KCNQ2: variants seen among roughly 807,000 people sequenced by gnomAD.
The protein encoded by KCNQ2 is potassium voltage-gated channel subfamily Q member 2.
In KCNQ2, 14 loss-of-function variants were observed where a neutral mutation model predicts 84.8. The ratio of observed to expected loss-of-function variants is 0.17; its 90% CI spans 0.11 to 0.26. KCNQ2 has a LOEUF of 0.26. Among genes scored for constraint, KCNQ2 ranks in the 10% least tolerant of loss-of-function variants. The pLI is 1.00. For missense variants in KCNQ2, 788 were observed against 1,254.0 expected, an observed-to-expected ratio of 0.63 and a Z score of 5.61; for synonymous variants, 599 against 554.1, an observed-to-expected ratio of 1.08 and a Z score of -1.14.
chr20:63,436,132 G>A (rs2080994221), intron 7 of KCNQ2, among the ~76,000 whole-genome samples: 1 of 152,192 alleles, frequency 6.6e-6, no homozygotes. Context: ...GCTGAAAGGA[G>A]GTCCACTGGG....
intron 1 of KCNQ2, among the ~76,000 whole-genome samples, chr20:63,466,925 A>G (rs1341309244): frequency 6.6e-6 from 1 of 152,228 alleles, no homozygotes; most frequent in African/African-American, 2.4e-5. Context: ...TGGCATGCAC[A>G]CTGGAAAATA....
intron 1 of KCNQ2, among the ~76,000 whole-genome samples, chr20:63,453,331 G>A (rs945248214): frequency 3.9e-5 from 6 of 152,234 alleles, no homozygotes; most frequent in African/African-American, 9.7e-5. Flanking sequence ...AGGCAGGGGC[G>A]CTGGCAGTGG....
intron 4 of KCNQ2, among the ~76,000 whole-genome samples, 161 bp from the exon 5 acceptor site, chr20:63,442,692 T>TCACCACCACCACCACCACCATCACCAC (rs1422312060): frequency 4.0e-5 from 2 of 50,130 alleles, no homozygotes; most frequent in African/African-American, 1.6e-4. Flanking sequence ...ACCATCACCA[T>TCACCACCACCACCACCACCATCACCAC]CACCACCATC....
chr20:63,407,232 C>T lies in KCNQ2; in HGVS notation c.2031G>A (p.Arg677=), dbSNP rs35647984. 6,065 of 1,603,512 alleles carry T rather than the reference C, an allele frequency of 3.8e-3. 27 individuals are homozygous for T. Among genetic ancestry groups the T allele is most frequent in the Non-Finnish European group, 3.8e-3 (4,484 of 1,179,396 alleles). Reference sequence around the variant, plus strand: ...TGCAGCCGTGCCTGTCGACATGCTCCCGGCTGTCTTCCGGGCTGTGGTACG... The same window carrying T: ...TGCAGCCGTGCCTGTCGACATGCTCTCGGCTGTCTTCCGGGCTGTGGTACG... The part of the protein sequence containing the change: ...APPYHSPEDS[R]EHVDRHGCIV... The change falls in exon 17 of 17, where the codon CGG becomes CGA. Residue 677 remains arginine (R), a synonymous_variant. Coordinates refer to ENST00000359125, the MANE Select transcript of KCNQ2 (RefSeq NM_172107.4). This position sits in a 1 kb window ranked among gnomAD's most constrained non-coding sequence, Gnocchi z 7.2.
chr20:63,463,315 G>T (rs554304886), intron 1 of KCNQ2, among the ~76,000 whole-genome samples: 2 of 152,238 alleles, frequency 1.3e-5, no homozygotes, highest in African/African-American at 4.8e-5. Flanking sequence ...GCCTTATCTG[G>T]TCTACAAAGG....
At chr20:63,415,156 G>GACAGACAGA in intron 12 of KCNQ2, 30 bp from the exon 13 acceptor site, 1 of 1,575,530 alleles carries the variant, frequency 6.3e-7, no homozygotes, top group Non-Finnish European at 8.6e-7. Context: ...CAGACAGACA[G>GACAGACAGA]AAAAACAGGG....
At chr20:63,424,405 G>A (rs917099496) in intron 10 of KCNQ2, 199 bp from the exon 11 acceptor site, 15 of 618,998 alleles carry the variant, frequency 2.4e-5, no homozygotes, top group South Asian at 7.9e-5. Context: ...CAGGGCCCAC[G>A]GAGGCAGCTC....
At chr20:63,412,717 C>T (rs1351520506) in intron 15 of KCNQ2, among the ~76,000 whole-genome samples, 1 of 152,200 alleles carries the variant, frequency 6.6e-6, no homozygotes, top group Non-Finnish European at 1.5e-5. Flanking sequence ...GCCTCGCTTC[C>T]AGGGCTGAGA....
Position 63,414,886 on chromosome 20 carries a change from G to A in KCNQ2, c.1525+17C>T, listed in dbSNP as rs1396875139. The A allele has an allele frequency of 6.2e-7, 1 of 1,610,020 alleles. No individual in the cohort carries two copies. Among genetic ancestry groups the A allele is most frequent in the African/African-American group, 1.3e-5 (1 of 74,840 alleles). On this transcript the variant is annotated intron_variant, in intron 13 of 16. Transcript: ENST00000359125. This position sits in a 1 kb window ranked among gnomAD's most constrained non-coding sequence, Gnocchi z 6.6. ...CCCCGGAGAGGATGGACCAGGAGAG[G>A]ATGCGGCCACACCCACCTTCTGAGT...
At chr20:63,410,867 G>A (rs759635872) in intron 15 of KCNQ2, 17 of 357,242 alleles carry the variant, frequency 4.8e-5, no homozygotes, top group Non-Finnish European at 8.3e-5. Context: ...GGAAGGCCAG[G>A]GGTCTATGCT....
intron 1 of KCNQ2, among the ~76,000 whole-genome samples, chr20:63,448,861 C>T (rs925805611): frequency 4.6e-5 from 7 of 152,154 alleles, no homozygotes; most frequent in Non-Finnish European, 8.8e-5. Flanking sequence ...AGACTGGTCA[C>T]GCCCCCTCAT....
intron 1 of KCNQ2, among the ~76,000 whole-genome samples, chr20:63,467,941 C>G (rs901406134): frequency 6.6e-6 from 1 of 152,308 alleles, no homozygotes; most frequent in East Asian, 1.9e-4. Context: ...TTTCTCTGCT[C>G]TCACTGTGGA....
intron 15 of KCNQ2, among the ~76,000 whole-genome samples, chr20:63,409,574 G>A (rs2080050512): frequency 6.6e-6 from 1 of 152,242 alleles, no homozygotes; most frequent in African/African-American, 2.4e-5. Context: ...AAGCCCAGCT[G>A]GACAAGGGCA....
intron 2 of KCNQ2, among the ~76,000 whole-genome samples, chr20:63,445,806 T>C (rs2081402884): frequency 6.8e-6 from 1 of 146,314 alleles, no homozygotes; most frequent in South Asian, 2.2e-4. Flanking sequence ...TGGGAGGCCC[T>C]GTCTGAGCTG....
chr20:63,407,004 G>A lies in KCNQ2; in HGVS notation c.2259C>T (p.Ser753=), dbSNP rs749802787. 59 of 1,537,152 alleles carry A rather than the reference G, an allele frequency of 3.8e-5. No individual in the cohort carries two copies. The highest frequency in any genetic ancestry group is 3.5e-4 in the Middle Eastern group (2 of 5,772). The part of the protein sequence containing the change: ...PPPPAHERSL[S]AYGGGNRASM... ...TGGCGCGGTTGCCCCCGCCGTAGGC[G>A]GACAGCGACCGCTCGTGGGCAGGCG... is the stretch of plus-strand genomic sequence containing the variant. Residue 753 remains serine (S), a synonymous_variant, in exon 17 of 17, where the codon TCC becomes TCT. Transcript: ENST00000359125. This position sits in a 1 kb window ranked among gnomAD's most constrained non-coding sequence, Gnocchi z 7.2.
chr20:63,437,479 C>T (rs541378273), intron 7 of KCNQ2: 2 of 152,334 alleles, frequency 1.3e-5, no homozygotes, highest in Non-Finnish European at 2.9e-5. Flanking sequence ...GACCCAGAGC[C>T]AAGACCACAA....
intron 1 of KCNQ2, among the ~76,000 whole-genome samples, chr20:63,448,776 C>T (rs1275469598): frequency 6.6e-6 from 1 of 152,216 alleles, no homozygotes; most frequent in Non-Finnish European, 1.5e-5. Flanking sequence ...CCCTCCAGCC[C>T]GGATACGCCC....
intron 2 of KCNQ2, 160 bp from the exon 3 acceptor site, chr20:63,445,524 CTG>C (rs1326777696): frequency 1.7e-6 from 1 of 599,972 alleles, no homozygotes; most frequent in Non-Finnish European, 2.8e-6. Context: ...TCTCCAGCCT[CTG>C]GGCAGGAAGG....
intron 8 of KCNQ2, 39 bp downstream of exon 8, chr20:63,433,770 T>A: frequency 1.2e-6 from 2 of 1,613,474 alleles, no homozygotes; most frequent in Middle Eastern, 1.7e-4. Flanking sequence ...AAATAAAAAA[T>A]GAAACAGTTG....
Sources: allele counts gnomAD v4.1 joint callset (sites outside exome capture counted in the v4.1 genomes callset), GRCh38; gene constraint gnomAD v4.1.1; non-coding constraint Gnocchi (gnomAD v3.1); transcripts MANE v1.5; gene names NCBI Gene and HGNC (gene_info 2026-07-23, HGNC 2026-07-21).